SLC9C2: variants seen among roughly 807,000 people sequenced by gnomAD.
SLC9C2 encodes sodium/hydrogen exchanger 11.
Under a neutral mutation model 140.2 loss-of-function variants are expected in SLC9C2, and 75 were observed. The observed-to-expected ratio is 0.53, with a 90% CI of 0.44 to 0.65. The LOEUF (loss-of-function observed/expected upper bound fraction) is 0.65. Ranked by LOEUF, SLC9C2 falls within the 30% of genes least tolerant of loss-of-function variation. SLC9C2 has a pLI of 0.00. For missense variants in SLC9C2, 1,074 were observed against 1,331.8 expected (o/e 0.81, Z 3.01); for synonymous variants, 375 against 420.9 (o/e 0.89, Z 1.34).
chr1:173,582,994 A>C (rs762992778), intron 6 of SLC9C2, among the ~76,000 whole-genome samples: 2 of 152,244 alleles, frequency 1.3e-5, no homozygotes, highest in Non-Finnish European at 2.9e-5. Flanking sequence ...ATATTGAGAA[A>C]AACTAAAGCA....
At chr1:173,570,504 T>C (rs1664773192) in intron 9 of SLC9C2, among the ~76,000 whole-genome samples, 1 of 152,120 alleles carries the variant, frequency 6.6e-6, no homozygotes, top group Admixed American at 6.5e-5. Context: ...CTGCGCTGCT[T>C]GAGGCTGTGG....
chr1:173,565,101 G>A (rs1270684549), intron 9 of SLC9C2, among the ~76,000 whole-genome samples: 3 of 151,720 alleles, frequency 2.0e-5, no homozygotes, highest in Admixed American at 2.0e-4. Flanking sequence ...CCAAGTAGCT[G>A]GGATTACAGG....
intron 25 of SLC9C2, among the ~76,000 whole-genome samples, chr1:173,506,592 C>T (rs529072569): frequency 6.6e-6 from 1 of 152,344 alleles, no homozygotes; most frequent in South Asian, 2.1e-4. Context: ...CTTCCTTTGG[C>T]ACAGCCCCAC....
At chr1:173,535,691 A>G in intron 15 of SLC9C2, 139 bp downstream of exon 15, 1 of 1,035,802 alleles carries the variant, frequency 9.7e-7, no homozygotes, top group East Asian at 4.0e-5. Flanking sequence ...GGAAGAAGAG[A>G]AGCAAGCACC....
intron 11 of SLC9C2, among the ~76,000 whole-genome samples, chr1:173,550,427 T>C (rs1558056945): frequency 8.2e-6 from 1 of 121,706 alleles, no homozygotes; most frequent in Non-Finnish European, 1.6e-5. Context: ...TTATTTTATT[T>C]ATTTATTTAT....
intron 15 of SLC9C2, among the ~76,000 whole-genome samples, chr1:173,535,443 T>C (rs767661649): frequency 1.2e-4 from 19 of 152,220 alleles, no homozygotes; most frequent in Non-Finnish European, 2.2e-4. Flanking sequence ...TTCCTAATTA[T>C]AGATCAACAG....
At chr1:173,527,300 C>T (rs550122012) in intron 18 of SLC9C2, among the ~76,000 whole-genome samples, 4 of 152,246 alleles carry the variant, frequency 2.6e-5, no homozygotes, top group Non-Finnish European at 4.4e-5. Flanking sequence ...CAGTCAGTAG[C>T]TTGCATAACT....
chr1:173,559,739 C>T (rs375580873), intron 9 of SLC9C2, among the ~76,000 whole-genome samples: 37 of 152,218 alleles, frequency 2.4e-4, no homozygotes, highest in African/African-American at 5.1e-4. Flanking sequence ...AGTACAATCT[C>T]GGGCCTACTG....
At position 173,546,311 on chromosome 1, in the gene SLC9C2, TC is replaced by T. The variant is rs202122373; in HGVS notation, c.1557+1377del. Among the ~76,000 whole-genome samples the T allele has an allele frequency of 1.1e-3, 171 of 152,336 alleles. 1 individual carries two copies. Among genetic ancestry groups the T allele is most frequent in the African/African-American group, 3.8e-3 (159 of 41,588 alleles). The stretch of plus-strand genomic sequence containing the variant: ...GCTTTGGGAGGGTGAGGTGGGCAGA[TC>T]ACTTGAGGCCAGAAGTTTGAGACCA... On this transcript the variant is annotated intron_variant, in intron 13 of 27. Transcript: ENST00000367714.
intron 22 of SLC9C2, among the ~76,000 whole-genome samples, chr1:173,519,529 C>T (rs941441674): frequency 1.3e-5 from 2 of 152,118 alleles, no homozygotes; most frequent in African/African-American, 2.4e-5. Context: ...GTTATGGTAT[C>T]AAAAAAGTAC....
Position 173,548,558 on chromosome 1 carries a change from A to G in SLC9C2, c.1298-6T>C, listed in dbSNP as rs765188018. The G allele has an allele frequency of 6.2e-7, 1 of 1,613,354 alleles. No homozygotes were observed. The highest frequency in any genetic ancestry group is 8.5e-7 in the Non-Finnish European group (1 of 1,179,504). On this transcript the variant is annotated splice_polypyrimidine_tract_variant and splice_region_variant and intron_variant, in intron 11 of 27. Transcript: ENST00000367714. ...GAGGGAAAGAACACACAAATCTGTG[A>G]CAAAGACAAAAGCAAAGGCCTTAAT...
chr1:173,510,503 C>T (rs937141527), intron 23 of SLC9C2, among the ~76,000 whole-genome samples: 2 of 152,038 alleles, frequency 1.3e-5, no homozygotes, highest in African/African-American at 4.8e-5. Flanking sequence ...AATCCCCAAA[C>T]GGCCCTGGTG....
intron 22 of SLC9C2, among the ~76,000 whole-genome samples, chr1:173,519,714 A>G (rs1393611389): frequency 6.6e-6 from 1 of 152,152 alleles, no homozygotes; most frequent in Non-Finnish European, 1.5e-5. Context: ...CTAGAATTCT[A>G]ATGGGAGTAT....
chr1:173,599,999 T>A, intron 3 of SLC9C2, 118 bp downstream of exon 3: 1 of 589,574 alleles, frequency 1.7e-6, no homozygotes, highest in African/African-American at 1.9e-5. Flanking sequence ...CCAGATAAAA[T>A]TTTTTGAGTA....
At chr1:173,595,393 C>T (rs1245109644) in intron 4 of SLC9C2, among the ~76,000 whole-genome samples, 2 of 152,170 alleles carry the variant, frequency 1.3e-5, no homozygotes, top group African/African-American at 4.8e-5. Context: ...CACATGCCAG[C>T]TGATTTGACC....
chr1:173,587,266 T>C (rs540657339), intron 5 of SLC9C2, among the ~76,000 whole-genome samples: 3 of 152,144 alleles, frequency 2.0e-5, no homozygotes, highest in East Asian at 3.9e-4. Context: ...TAACAAGAGG[T>C]AGCAAGGCCT....
chr1:173,531,476 A>T (rs1661579342), intron 17 of SLC9C2, among the ~76,000 whole-genome samples: 1 of 152,210 alleles, frequency 6.6e-6, no homozygotes. Context: ...CTTGTGCCCA[A>T]CTACCACCAG....
rs538224997 is a variant in SLC9C2, at chr1:173,552,054, A to G, written c.1297+2679T>C. On this transcript the variant is annotated intron_variant, in intron 11 of 27. Transcript: ENST00000367714. ...CAAAACAGCCTTATTGCTGATATGG[A>G]GAAAGATTGAGTGGTCTGAATAGAA... Among the ~76,000 whole-genome samples the G allele has an allele frequency of 4.6e-5, 7 of 152,362 alleles. No homozygotes were observed. The East Asian group carries it at 9.6e-4, about 21-fold the overall frequency.
In SLC9C2 at chr1:173,576,647, G is replaced by C; in HGVS notation, c.902+14C>G. 1 of 1,555,578 alleles carries C rather than the reference G, an allele frequency of 6.4e-7. No homozygotes were observed. Among genetic ancestry groups the C allele is most frequent in the Non-Finnish European group, 8.8e-7 (1 of 1,132,220 alleles). On this transcript the variant is annotated intron_variant, in intron 8 of 27. Coordinates refer to ENST00000367714, the MANE Select transcript of SLC9C2 (RefSeq NM_178527.4). ...TGCTATGAGATCCATCGAAGGGCAC[G>C]ATAGGAAACTTACTTAGTAATTACA... is the stretch of plus-strand genomic sequence containing the variant.
Sources: gnomAD v4.1 joint callset for allele counts (sites outside exome capture counted in the v4.1 genomes callset) on GRCh38, gnomAD v4.1.1 for gene constraint, MANE v1.5 for transcripts, NCBI Gene and HGNC (gene_info 2026-07-23, HGNC 2026-07-21) for gene names.